The following TTLL5 variants were observed in gnomAD, a reference collection of about 807,000 sequenced individuals.
The protein encoded by TTLL5 is tubulin polyglutamylase TTLL5.
In TTLL5, 132 loss-of-function variants were observed where a neutral mutation model predicts 168.4. That is an observed-to-expected ratio of 0.78 (90% CI 0.68 to 0.91). The LOEUF (loss-of-function observed/expected upper bound fraction) is 0.91. Among genes scored for constraint, TTLL5 ranks in the 40% least tolerant of loss-of-function variants. The probability of loss-of-function intolerance (pLI) is 0.00; values close to 1 mark genes in which losing one functional copy is unlikely to be tolerated. For synonymous variants in TTLL5, 546 were observed against 558.6 expected, an observed-to-expected ratio of 0.98 and a Z score of 0.32; for missense variants, 1,545 against 1,581.5, an observed-to-expected ratio of 0.98 and a Z score of 0.39.
intron 17 of TTLL5, among the ~76,000 whole-genome samples, chr14:75,749,894 G>A (rs779174686): frequency 1.3e-5 from 2 of 152,036 alleles, no homozygotes; most frequent in African/African-American, 2.4e-5. Context: ...AGAGTTAACA[G>A]TATGTTTATG....
chr14:75,777,949 T>A (rs1480353084), intron 23 of TTLL5, among the ~76,000 whole-genome samples: 1 of 150,700 alleles, frequency 6.6e-6, no homozygotes, highest in Non-Finnish European at 1.5e-5. Flanking sequence ...GCTTCTCTCA[T>A]CAACGTTATA....
At chr14:75,765,954 G>A in intron 19 of TTLL5, 108 bp from the exon 20 acceptor site, 2 of 856,176 alleles carry the variant, frequency 2.3e-6, no homozygotes, top group Non-Finnish European at 3.6e-6. Context: ...TGCCTTGTTT[G>A]TGGTTTGGTT....
chr14:75,693,379 C>T (rs982575410), intron 6 of TTLL5, among the ~76,000 whole-genome samples: 2 of 152,162 alleles, frequency 1.3e-5, no homozygotes, highest in African/African-American at 4.8e-5. Flanking sequence ...ACACTAGAGA[C>T]ACCAGCCAAG....
intron 2 of TTLL5, among the ~76,000 whole-genome samples, chr14:75,666,876 T>C (rs1236956734): frequency 6.6e-6 from 1 of 152,228 alleles, no homozygotes; most frequent in South Asian, 2.1e-4. Flanking sequence ...ATAAAACTGA[T>C]CTGCTTCGGT....
chr14:75,793,517 C>A (rs954618845), intron 27 of TTLL5, among the ~76,000 whole-genome samples: 1 of 152,072 alleles, frequency 6.6e-6, no homozygotes, highest in Non-Finnish European at 1.5e-5. Flanking sequence ...ATTTCATGAT[C>A]TCAGGATGTT....
intron 4 of TTLL5, among the ~76,000 whole-genome samples, chr14:75,681,910 TAAG>T (rs990141346): frequency 1.6e-4 from 25 of 152,088 alleles, no homozygotes; most frequent in African/African-American, 5.8e-4. Flanking sequence ...GACACCCAAT[TAAG>T]GTTCTTTGAT....
At chr14:75,902,895 A>G (rs1274748340) in intron 31 of TTLL5, among the ~76,000 whole-genome samples, 1 of 152,250 alleles carries the variant, frequency 6.6e-6, no homozygotes, top group Non-Finnish European at 1.5e-5. Context: ...ACTGAGATAC[A>G]CACCGGGTGA....
intron 31 of TTLL5, among the ~76,000 whole-genome samples, chr14:75,902,914 G>A (rs2032987511): frequency 6.6e-6 from 1 of 152,224 alleles, no homozygotes; most frequent in Non-Finnish European, 1.5e-5. Flanking sequence ...GAACAAGACA[G>A]TCTGCTCTTA....
chr14:75,705,512 C>T (rs892173332), intron 7 of TTLL5, among the ~76,000 whole-genome samples: 4 of 152,114 alleles, frequency 2.6e-5, no homozygotes, highest in African/African-American at 7.2e-5. Flanking sequence ...CCCTGGATTC[C>T]GTTGCTGCTC....
At chr14:75,714,977 T>C (rs1309566722) in intron 9 of TTLL5, among the ~76,000 whole-genome samples, 1 of 152,216 alleles carries the variant, frequency 6.6e-6, no homozygotes, top group South Asian at 2.1e-4. Context: ...TAGAAGTTTA[T>C]ACTAGTACGC....
chr14:75,788,083 C>T (rs1399718570), intron 26 of TTLL5, among the ~76,000 whole-genome samples: 4 of 151,842 alleles, frequency 2.6e-5, no homozygotes, highest in African/African-American at 4.8e-5. Context: ...CGCAGGAGTT[C>T]GAGACCAGTC....
intron 28 of TTLL5, among the ~76,000 whole-genome samples, chr14:75,863,055 T>G (rs1234452594): frequency 6.6e-6 from 1 of 152,190 alleles, no homozygotes; most frequent in African/African-American, 2.4e-5. Flanking sequence ...TTCGCCTTCC[T>G]CAGGTGTACA....
At chr14:75,811,185 GTGTA>G (rs1427537210) in intron 27 of TTLL5, among the ~76,000 whole-genome samples, 45 of 121,326 alleles carry the variant, frequency 3.7e-4, no homozygotes, top group East Asian at 2.9e-3. Context: ...GTGTGTGTGT[GTGTA>G]TGTGTGTGTG....
In TTLL5 at chr14:75,929,370, A is replaced by G. The variant is rs186912776; in HGVS notation, c.3824-25054A>G. On this transcript the variant is annotated intron_variant, in intron 31 of 31. Transcript: ENST00000298832. ...CAGTCAAATAAGTTTGACAAATGCT[A>G]TTTACCCTATGCCACTTCTTAGAGT... Among the ~76,000 whole-genome samples the G allele has an allele frequency of 3.0e-4, 45 of 151,144 alleles. No individual in the cohort carries two copies. In the South Asian group the frequency reaches 7.7e-3, roughly 26 times the overall value.
At chr14:75,905,226 C>T (rs1245905131) in intron 31 of TTLL5, among the ~76,000 whole-genome samples, 1 of 152,180 alleles carries the variant, frequency 6.6e-6, no homozygotes, top group African/African-American at 2.4e-5. Flanking sequence ...GTATTTAGCC[C>T]ATCTGGTCCA....
intron 27 of TTLL5, among the ~76,000 whole-genome samples, chr14:75,817,099 T>C (rs1894471642): frequency 6.7e-6 from 1 of 150,306 alleles, no homozygotes; most frequent in African/African-American, 2.4e-5. Flanking sequence ...CCTGCCTCAG[T>C]TTCCTGAGTA....
At chr14:75,707,152 A>G (rs2140172025) in intron 8 of TTLL5, 65 bp downstream of exon 8, 5 of 1,265,350 alleles carry the variant, frequency 4.0e-6, no homozygotes, top group Non-Finnish European at 5.8e-6. Flanking sequence ...TAAGCTTTTC[A>G]TAGCCTTCTC....
Position 75,786,561 on chromosome 14 carries a change from C to T in TTLL5, c.2986+3031C>T, listed in dbSNP as rs534678573. On this transcript the variant is annotated intron_variant, in intron 26 of 31. Coordinates refer to ENST00000298832, the MANE Select transcript of TTLL5 (RefSeq NM_015072.5). ...TTAAACAGTAGTAGATGACAATATG[C>T]GGACAAAAATATATAATTGACAACA... Among the ~76,000 whole-genome samples, 6 of 152,094 alleles carry T rather than the reference C, an allele frequency of 3.9e-5. No individual in the cohort carries two copies. The South Asian group carries it at 6.2e-4, about 16-fold the overall frequency.
At chr14:75,799,241 G>T (rs1893154419) in intron 27 of TTLL5, among the ~76,000 whole-genome samples, 1 of 152,054 alleles carries the variant, frequency 6.6e-6, no homozygotes, top group Non-Finnish European at 1.5e-5. Context: ...TCTTTAAACT[G>T]TTATTGCTTT....
Sources: allele counts gnomAD v4.1 joint callset (sites outside exome capture counted in the v4.1 genomes callset), GRCh38; gene constraint gnomAD v4.1.1; transcripts MANE v1.5; gene names NCBI Gene and HGNC (gene_info 2026-07-23, HGNC 2026-07-21).